The following EXOC4 variants were observed in gnomAD, a reference collection of about 807,000 sequenced individuals.
EXOC4 encodes SEC8-like 1.
A neutral mutation model predicts 107.2 loss-of-function variants in EXOC4; 71 were observed. The ratio of observed to expected loss-of-function variants is 0.66; its 90% CI spans 0.55 to 0.81. EXOC4 has a LOEUF of 0.81. Among genes scored for constraint, EXOC4 ranks in the 30% least tolerant of loss-of-function variants. EXOC4 has a pLI of 0.00. For missense variants in EXOC4, 1,108 were observed against 1,189.6 expected (o/e 0.93, Z 1.01); for synonymous variants, 456 against 441.2 (o/e 1.03, Z -0.42).
chr7:133,539,285 CT>C (rs142915991), intron 9 of EXOC4, among the ~76,000 whole-genome samples: 22,621 of 149,750 alleles, frequency 0.15, 2,108 homozygotes, highest in Non-Finnish European at 0.2. Context: ...TGGTATGAGA[CT>C]TTTTTTTTTC....
intron 3 of EXOC4, among the ~76,000 whole-genome samples, chr7:133,297,057 G>C (rs940254320): frequency 9.9e-5 from 15 of 152,276 alleles, no homozygotes; most frequent in African/African-American, 3.6e-4. Context: ...GTGGTAAGTA[G>C]TTGGAAACCA....
At chr7:133,498,535 A>G (rs1799521218) in intron 9 of EXOC4, among the ~76,000 whole-genome samples, 1 of 152,156 alleles carries the variant, frequency 6.6e-6, no homozygotes, top group African/African-American at 2.4e-5. Flanking sequence ...CAGTGAGCCG[A>G]GATCATGCTA....
chr7:133,322,088 T>C (rs1795126090), intron 5 of EXOC4, among the ~76,000 whole-genome samples: 1 of 152,226 alleles, frequency 6.6e-6, no homozygotes, highest in Non-Finnish European at 1.5e-5. Flanking sequence ...CTTGTACATT[T>C]GTTTAAGTTC....
chr7:133,794,122 C>A lies in EXOC4; in HGVS notation c.1515-23203C>A, dbSNP rs1354595522. Among the ~76,000 whole-genome samples, 7 of 152,266 alleles carry A rather than the reference C, an allele frequency of 4.6e-5. 1 individual carries two copies. In the South Asian group the frequency reaches 1.5e-3, roughly 32 times the overall value. ...TGAGCTTCTCCTCATATGTCTAGTT[C>A]ATTTTTTTGCTACTAAGTGGTTTGG... On this transcript the variant is annotated intron_variant, in intron 10 of 17. Transcript: ENST00000253861.
At chr7:134,041,356 A>G (rs1795512779) in intron 17 of EXOC4, among the ~76,000 whole-genome samples, 3 of 152,176 alleles carry the variant, frequency 2.0e-5, no homozygotes, top group Non-Finnish European at 4.4e-5. Flanking sequence ...ATTTTTTACT[A>G]TATGCAGTAA....
intron 9 of EXOC4, among the ~76,000 whole-genome samples, chr7:133,533,254 A>G (rs1462995623): frequency 1.3e-5 from 2 of 152,124 alleles, no homozygotes; most frequent in African/African-American, 2.4e-5. Flanking sequence ...AAAATGTACT[A>G]GGATTCTGAG....
chr7:134,000,492 A>G (rs1421782539), intron 15 of EXOC4, among the ~76,000 whole-genome samples: 1 of 152,258 alleles, frequency 6.6e-6, no homozygotes, highest in East Asian at 1.9e-4. Flanking sequence ...AATGTGATTA[A>G]GAATTAGTTG....
At chr7:133,617,425 CA>C (rs973195364) in intron 9 of EXOC4, among the ~76,000 whole-genome samples, 2 of 152,112 alleles carry the variant, frequency 1.3e-5, no homozygotes, top group African/African-American at 4.8e-5. Flanking sequence ...CCAGATAAAA[CA>C]TTAAAAAATG....
chr7:134,096,235 T>C, the EXOC4 span, among the ~76,000 whole-genome samples: 2 of 152,276 alleles, frequency 1.3e-5, no homozygotes, highest in South Asian at 4.1e-4. Flanking sequence ...CAATGAGTTT[T>C]AATAAAAGGA....
intron 14 of EXOC4, among the ~76,000 whole-genome samples, chr7:133,939,205 C>T (rs1473610816): frequency 6.6e-6 from 1 of 152,098 alleles, no homozygotes; most frequent in African/African-American, 2.4e-5. Context: ...TTGGACTGTA[C>T]ATGTCAGAGT....
chr7:133,872,608 A>C, intron 11 of EXOC4, among the ~76,000 whole-genome samples: 1 of 152,220 alleles, frequency 6.6e-6, no homozygotes, highest in Non-Finnish European at 1.5e-5. Context: ...AAAGGAGCAG[A>C]GAGTTTAAAA....
chr7:133,602,220 C>T (rs1295826621), intron 9 of EXOC4, among the ~76,000 whole-genome samples: 1 of 152,198 alleles, frequency 6.6e-6, no homozygotes, highest in Non-Finnish European at 1.5e-5. Context: ...CAGCATGATA[C>T]TGACACACTG....
In EXOC4 at chr7:133,899,745, C is replaced by CTTT. The variant is rs35095963; in HGVS notation, c.1871+4032_1871+4034dup. 1.3e-3 allele frequency among the ~76,000 whole-genome samples: 111 copies of CTTT among 86,216 alleles called. 1 individual carries two copies. Among genetic ancestry groups the CTTT allele is most frequent in the African/African-American group, 1.9e-3 (33 of 17,528 alleles). The allele number at this position is 86,216 out of a possible 152,430, so 56.6% of individuals were successfully genotyped here. A position where few individuals can be genotyped will look rare whatever the true frequency, so the allele number is the denominator to read the frequency against. Reference sequence around the variant, plus strand: ...GTATACCCAGTGTTCCAGATGTACTCTTTTTTTTTTTTTTTTTTTTTTTTG... The same window carrying CTTT: ...GTATACCCAGTGTTCCAGATGTACTCTTTTTTTTTTTTTTTTTTTTTTTTTTTG... On this transcript the variant is annotated intron_variant, in intron 12 of 17. Coordinates refer to ENST00000253861, the MANE Select transcript of EXOC4 (RefSeq NM_021807.4).
chr7:133,967,432 T>G (rs1801097063), intron 14 of EXOC4, among the ~76,000 whole-genome samples: 1 of 152,236 alleles, frequency 6.6e-6, no homozygotes, highest in Non-Finnish European at 1.5e-5. Context: ...GGTCTCAATT[T>G]TAGATCTTTC....
At chr7:133,600,644 C>A (rs1244292925) in intron 9 of EXOC4, among the ~76,000 whole-genome samples, 1 of 151,938 alleles carries the variant, frequency 6.6e-6, no homozygotes. Context: ...TCCAAGAATT[C>A]ATAATTCAGA....
intron 9 of EXOC4, among the ~76,000 whole-genome samples, chr7:133,618,516 A>G (rs1764102925): frequency 1.3e-5 from 2 of 152,236 alleles, no homozygotes; most frequent in Admixed American, 1.3e-4. Flanking sequence ...TTGGGTTTAC[A>G]TGTAAGTGTG....
intron 10 of EXOC4, among the ~76,000 whole-genome samples, chr7:133,670,872 G>A (rs555790842): frequency 1.1e-4 from 17 of 152,278 alleles, no homozygotes; most frequent in African/African-American, 3.8e-4. Flanking sequence ...TCTAATGGGA[G>A]GGGCAGACAA....
chr7:133,257,012 A>G (rs1476407818), intron 1 of EXOC4, among the ~76,000 whole-genome samples: 1 of 152,282 alleles, frequency 6.6e-6, no homozygotes, highest in Admixed American at 6.5e-5. Flanking sequence ...TGAGACTCAA[A>G]TAAAAATGCT....
chr7:133,838,222 G>C (rs1202358986), intron 11 of EXOC4, among the ~76,000 whole-genome samples: 2 of 152,206 alleles, frequency 1.3e-5, no homozygotes, highest in African/African-American at 4.8e-5. Context: ...GTACTAGAGA[G>C]AATGATATGG....
Sources: gnomAD v4.1 joint callset for allele counts (sites outside exome capture counted in the v4.1 genomes callset) on GRCh38, gnomAD v4.1.1 for gene constraint, MANE v1.5 for transcripts, NCBI Gene and HGNC (gene_info 2026-07-23, HGNC 2026-07-21) for gene names.